Variants in EPB41L4A observed in about 807,000 individuals in gnomAD.
EPB41L4A encodes erythrocyte membrane protein band 4.1 like 4A, also known as band 4.1-like protein 4A.
In EPB41L4A, 100 loss-of-function variants were observed where a neutral mutation model predicts 108.6. The observed-to-expected ratio is 0.92, with a 90% CI of 0.78 to 1.09. The LOEUF is 1.09. EPB41L4A is among the 50% of genes least tolerant of loss of function. The pLI, the probability that EPB41L4A is intolerant of heterozygous loss-of-function variation, is 0.00. For missense variants in EPB41L4A, 1,030 were observed against 842.7 expected, an observed-to-expected ratio of 1.22 and a Z score of -2.75; for synonymous variants, 319 against 289.0, an observed-to-expected ratio of 1.10 and a Z score of -1.05.
intron 9 of EPB41L4A, among the ~76,000 whole-genome samples, chr5:112,256,055 G>A (rs1357083390): frequency 6.6e-6 from 1 of 152,088 alleles, no homozygotes; most frequent in African/African-American, 2.4e-5. Flanking sequence ...CAGCTTCTCC[G>A]CACTTTGTTG....
intron 1 of EPB41L4A, among the ~76,000 whole-genome samples, chr5:112,325,604 C>T (rs1439693818): frequency 6.6e-6 from 1 of 152,132 alleles, no homozygotes; most frequent in Non-Finnish European, 1.5e-5. Flanking sequence ...TTGTTAACAT[C>T]ATGCTTTAGT....
At chr5:112,162,280 T>C (rs1759954086), downstream of EPB41L4A, 1 of 152,132 alleles carries the variant, frequency 6.6e-6, no homozygotes, top group African/African-American at 2.4e-5. Flanking sequence ...TTTAAGACAG[T>C]GAGGATGTGA....
intron 1 of EPB41L4A, among the ~76,000 whole-genome samples, chr5:112,340,100 G>C (rs534032943): frequency 2.0e-5 from 3 of 152,262 alleles, no homozygotes; most frequent in African/African-American, 7.2e-5. Context: ...TCACGGAGGA[G>C]AGCCCATCGA....
intron 12 of EPB41L4A, among the ~76,000 whole-genome samples, chr5:112,211,808 A>G (rs1482142397): frequency 6.6e-6 from 1 of 152,188 alleles, no homozygotes; most frequent in African/African-American, 2.4e-5. Context: ...GGTTTCAGAT[A>G]AGAGTTCCAA....
chr5:112,206,952 C>T (rs144019869), intron 13 of EPB41L4A: 2 of 152,142 alleles, frequency 1.3e-5, no homozygotes, highest in African/African-American at 2.4e-5. Context: ...TAAAATGGAC[C>T]CTCCCTCCAA....
At chr5:112,276,630 G>A (rs1010747945) in intron 3 of EPB41L4A, among the ~76,000 whole-genome samples, 6 of 152,106 alleles carry the variant, frequency 3.9e-5, no homozygotes, top group Admixed American at 2.0e-4. Flanking sequence ...AAAAGTCTTC[G>A]ATACTATCTA....
intron 18 of EPB41L4A, among the ~76,000 whole-genome samples, chr5:112,182,776 T>A (rs6863063): frequency 0.76 from 114,579 of 151,716 alleles, 43,712 homozygotes; most frequent in East Asian, 1. Context: ...TGATTCTTTC[T>A]TATCTAAACT....
At chr5:112,279,957 A>G (rs1752860886) in intron 3 of EPB41L4A, among the ~76,000 whole-genome samples, 1 of 141,810 alleles carries the variant, frequency 7.1e-6, no homozygotes, top group African/African-American at 2.8e-5. Context: ...ACCCCCGTTA[A>G]TGTCTATTTG....
In EPB41L4A at chr5:112,307,448, G is replaced by C; in HGVS notation, c.142C>G (p.His48Asp). The C allele has an allele frequency of 6.2e-7, 1 of 1,613,262 alleles. No individual in the cohort carries two copies. The highest frequency in any genetic ancestry group is 8.5e-7 in the Non-Finnish European group (1 of 1,179,372). The change falls in exon 2 of 23, where the codon CAC (histidine) becomes GAC (aspartate). Residue 48 changes from histidine (H) to aspartate (D), a missense_variant. His to Asp is a moderately conservative substitution (Grantham distance 81). Coordinates refer to ENST00000261486, the MANE Select transcript of EPB41L4A (RefSeq NM_022140.5). ...GSVVLDHVFH[H>D]VNLVEIDYFG... ...TAATCTATCTCCACAAGGTTTACGT[G>C]ATGGAATACGTGGTCAAGGACAACG...
chr5:112,324,893 T>C (rs1261218809), intron 1 of EPB41L4A, among the ~76,000 whole-genome samples: 1 of 152,054 alleles, frequency 6.6e-6, no homozygotes, highest in African/African-American at 2.4e-5. Flanking sequence ...TAAATAAGTA[T>C]TTATGATACT....
chr5:112,191,997 T>C (rs188805635), intron 17 of EPB41L4A: 30 of 152,312 alleles, frequency 2.0e-4, no homozygotes, highest in Admixed American at 5.2e-4. Flanking sequence ...TGCCCCATTA[T>C]TGGGTTACCG....
chr5:112,147,386 T>C (rs537512308), intron 12 of EPB41L4A, among the ~76,000 whole-genome samples: 54 of 152,264 alleles, frequency 3.5e-4, no homozygotes, highest in African/African-American at 1.2e-3. Flanking sequence ...ACGCCTGTAA[T>C]CCCAGCACTT....
chr5:112,356,689 T>C (rs770640009), intron 1 of EPB41L4A, among the ~76,000 whole-genome samples: 2 of 152,184 alleles, frequency 1.3e-5, no homozygotes, highest in African/African-American at 4.8e-5. Flanking sequence ...CAGACTCTCA[T>C]GTGGGTCTAT....
intron 2 of EPB41L4A, among the ~76,000 whole-genome samples, chr5:112,290,501 G>T (rs187372427): frequency 1.3e-5 from 2 of 152,252 alleles, no homozygotes; most frequent in African/African-American, 4.8e-5. Flanking sequence ...CCTTGAGAAA[G>T]TCCTGAATCC....
intron 1 of EPB41L4A, among the ~76,000 whole-genome samples, chr5:112,323,928 C>G (rs1157003974): frequency 2.0e-5 from 3 of 152,206 alleles, no homozygotes; most frequent in Admixed American, 2.0e-4. Flanking sequence ...TAAACATTGA[C>G]TCCTGAGAGA....
At position 112,254,393 on chromosome 5, in the gene EPB41L4A, CCTACTCTGT is replaced by C. The variant is rs553498308; in HGVS notation, c.795+4827_795+4835del. Among the ~76,000 whole-genome samples, 304 of 152,314 alleles carry C rather than the reference CCTACTCTGT, an allele frequency of 2.0e-3. 4 individuals are homozygous for C. The highest frequency in any genetic ancestry group is 0.02 in the Admixed American group (303 of 15,308). On this transcript the variant is annotated intron_variant, in intron 9 of 22. Coordinates refer to ENST00000261486, the MANE Select transcript of EPB41L4A (RefSeq NM_022140.5). The stretch of plus-strand genomic sequence containing the variant: ...CTCTTGTCTCCCCTTGATCACATCT[CCTACTCTGT>C]CTGCCTCTGTGCTCACGTCTGTGGC...
chr5:112,252,706 G>C (rs1750774125), intron 9 of EPB41L4A, among the ~76,000 whole-genome samples: 1 of 152,100 alleles, frequency 6.6e-6, no homozygotes, highest in Non-Finnish European at 1.5e-5. Context: ...GGATGGGGGA[G>C]GCATGGGCTG....
At chr5:112,265,531 T>C (rs1177583038) in intron 5 of EPB41L4A, among the ~76,000 whole-genome samples, 4 of 152,238 alleles carry the variant, frequency 2.6e-5, no homozygotes, top group Non-Finnish European at 5.9e-5. Flanking sequence ...ATTACTCCTA[T>C]ACAAATGCTT....
intron 1 of EPB41L4A, among the ~76,000 whole-genome samples, chr5:112,336,158 G>A (rs574314072): frequency 9.2e-5 from 14 of 152,204 alleles, no homozygotes; most frequent in Non-Finnish European, 1.6e-4. Flanking sequence ...AGGAGTATGA[G>A]AAAGCAGTCA....
Sources: allele counts gnomAD v4.1 joint callset (sites outside exome capture counted in the v4.1 genomes callset), GRCh38; gene constraint gnomAD v4.1.1; transcripts MANE v1.5; gene names NCBI Gene and HGNC (gene_info 2026-07-23, HGNC 2026-07-21).